CSN3: variants seen among roughly 807,000 people sequenced by gnomAD.
CSN3 encodes casein kappa, also known as kappa-casein.
A neutral mutation model predicts 9.9 loss-of-function variants in CSN3; 7 were observed. That is an observed-to-expected ratio of 0.71 (90% confidence interval 0.40 to 1.33). CSN3 has a LOEUF of 1.33. CSN3 is among the 40% of genes most tolerant of loss of function. The probability of loss-of-function intolerance (pLI) is 0.01; values close to 1 mark genes in which losing one functional copy is unlikely to be tolerated. For missense variants in CSN3, 253 were observed against 227.9 expected (o/e 1.11, Z -0.71); for synonymous variants, 88 against 82.3 (o/e 1.07, Z -0.37).
At chr4:70,242,447 G>A (rs1014520425), upstream of CSN3, 2 of 119,800 alleles carry the variant, frequency 1.7e-5, no homozygotes, top group East Asian at 7.3e-4. Context: ...ATCTCCCAAT[G>A]CTATCCCTCC....
intron 2 of CSN3, among the ~76,000 whole-genome samples, chr4:70,246,456 C>T (rs1730378270): frequency 6.6e-6 from 1 of 151,914 alleles, no homozygotes; most frequent in African/African-American, 2.4e-5. Context: ...CATTTCATGA[C>T]ATAATCATTG....
chr4:70,243,471 G>A (rs957399370), intron 1 of CSN3, among the ~76,000 whole-genome samples: 5 of 152,092 alleles, frequency 3.3e-5, no homozygotes, highest in Admixed American at 6.6e-5. Flanking sequence ...ACATCGTATG[G>A]GCAGTTTTGA....
In CSN3 at chr4:70,244,882, A is replaced by T; in HGVS notation, c.54+9A>T. ...TAACCCTGCCTTTTTTGGTAAGTTA[A>T]TTTCATCTAACCAGATTGTACTGAC... On this transcript the variant is annotated intron_variant, in intron 2 of 4. Coordinates refer to ENST00000304954, the Ensembl canonical transcript of CSN3. The T allele has an allele frequency of 6.4e-7, 1 of 1,555,630 alleles. No individual in the cohort carries two copies. Among genetic ancestry groups the T allele is most frequent in the Non-Finnish European group, 8.7e-7 (1 of 1,148,984 alleles).
At chr4:70,251,277 A>G (rs532088093) in exon 5 of CSN3, 1 of 152,288 alleles carries the variant, frequency 6.6e-6, no homozygotes, top group Non-Finnish European at 1.5e-5. Context: ...GCTGAAACCA[A>G]ATTACTACTT....
Position 70,246,775 on chromosome 4 carries a change from G to A in CSN3, c.55-1043G>A, listed in dbSNP as rs539552026. 2.7e-5 allele frequency among the ~76,000 whole-genome samples: 4 copies of A among 149,938 alleles called. No individual in the cohort carries two copies. The East Asian group carries it at 6.0e-4, about 23-fold the overall frequency. On this transcript the variant is annotated intron_variant, in intron 2 of 4. Coordinates refer to ENST00000304954, the Ensembl canonical transcript of CSN3. ...CAACCTCTGCTTCCCAGGTTTAAGC[G>A]ATTTTCCTGCCTCAGCCTCCCAAGT...
upstream of CSN3, among the ~76,000 whole-genome samples, chr4:70,242,112 A>C (rs1730282136): frequency 6.6e-6 from 1 of 151,952 alleles, no homozygotes; most frequent in East Asian, 1.9e-4. Context: ...TCATTTCAAC[A>C]GCAGTTTTAA....
chr4:70,240,565 C>T (rs569690332), upstream of CSN3, among the ~76,000 whole-genome samples: 2 of 152,080 alleles, frequency 1.3e-5, no homozygotes, highest in Admixed American at 6.6e-5. Context: ...TTCTGATCCT[C>T]CTTTTGCTTT....
intron 3 of CSN3, among the ~76,000 whole-genome samples, chr4:70,248,395 C>A (rs1161987707): frequency 1.3e-5 from 2 of 152,024 alleles, no homozygotes; most frequent in Non-Finnish European, 2.9e-5. Flanking sequence ...TAGATATAGA[C>A]AATTCTTTAT....
chr4:70,242,893 C>T (rs1348140671), intron 1 of CSN3, among the ~76,000 whole-genome samples: 1 of 151,902 alleles, frequency 6.6e-6, no homozygotes, highest in Non-Finnish European at 1.5e-5. Context: ...ATTCTGATAC[C>T]AACTAAATCA....
intron 1 of CSN3, among the ~76,000 whole-genome samples, chr4:70,243,853 T>C (rs1043303069): frequency 6.6e-6 from 1 of 152,086 alleles, no homozygotes; most frequent in Non-Finnish European, 1.5e-5. Context: ...GTAATTGTCA[T>C]CTCTATACTT....
chr4:70,245,228 T>C (rs891466636), intron 2 of CSN3, among the ~76,000 whole-genome samples: 1 of 152,150 alleles, frequency 6.6e-6, no homozygotes, highest in Non-Finnish European at 1.5e-5. Context: ...ACAGAAATCA[T>C]AGTCTGGGAA....
chr4:70,251,233 A>C (rs1730476031), intron 4 of CSN3, 29 bp from the exon 5 acceptor site: 1 of 152,174 alleles, frequency 6.6e-6, no homozygotes, highest in South Asian at 2.1e-4. Context: ...ACTATGAATA[A>C]ATTTCTAAAC....
intron 3 of CSN3, among the ~76,000 whole-genome samples, 191 bp downstream of exon 3, chr4:70,248,041 T>C (rs1183633991): frequency 6.6e-6 from 1 of 152,184 alleles, no homozygotes; most frequent in African/African-American, 2.4e-5. Context: ...CATCTGAAAG[T>C]TTTATTTTCT....
chr4:70,249,050 C>G (rs267600232), exon 4 of CSN3: 2 of 1,613,090 alleles, frequency 1.2e-6, no homozygotes, highest in African/African-American at 2.7e-5. Context: ...CCATATGTCC[C>G]AATGTATTAT....
upstream of CSN3, among the ~76,000 whole-genome samples, chr4:70,241,562 T>A (rs1430087732): frequency 1.3e-5 from 2 of 152,070 alleles, no homozygotes; most frequent in Non-Finnish European, 2.9e-5. Flanking sequence ...TAACATTATT[T>A]CTTTAGAAAA....
chr4:70,239,218 G>C (rs58378749), upstream of CSN3, among the ~76,000 whole-genome samples: 17,163 of 151,408 alleles, frequency 0.11, 1,277 homozygotes, highest in East Asian at 0.27. Context: ...AGTGACTCGA[G>C]GGGGAAAAAA....
chr4:70,249,454 G>A, exon 4 of CSN3: 7 of 1,609,410 alleles, frequency 4.3e-6, no homozygotes, highest in Non-Finnish European at 5.1e-6. Flanking sequence ...TCCACCTACG[G>A]CATAAAAACA....
At position 70,247,782 on chromosome 4, in the gene CSN3, T is replaced by G. The variant is rs112136060; in HGVS notation, c.55-36T>G. On this transcript the variant is annotated intron_variant, in intron 2 of 4. Coordinates refer to ENST00000304954, the Ensembl canonical transcript of CSN3. ...AAGTACTTTTTTTTTCTTTTTTAAC[T>G]TATTTCTCATTATTTCTTCTTCTGG... The G allele has an allele frequency of 1.2e-3, 1,920 of 1,559,832 alleles. 15 individuals are homozygous for G. In the African/African-American group the frequency reaches 0.024, roughly 19 times the overall value.
intron 1 of CSN3, among the ~76,000 whole-genome samples, chr4:70,243,453 A>G (rs1730311205): frequency 1.3e-5 from 2 of 152,080 alleles, no homozygotes; most frequent in African/African-American, 4.8e-5. Flanking sequence ...TCGAATGGAA[A>G]TTTGATGACA....
Sources: allele counts gnomAD v4.1 joint callset (sites outside exome capture counted in the v4.1 genomes callset), GRCh38; gene constraint gnomAD v4.1.1; transcripts MANE v1.5; gene names NCBI Gene and HGNC (gene_info 2026-07-23, HGNC 2026-07-21).